Variants in DCUN1D3 observed in about 807,000 individuals in gnomAD.
The protein encoded by DCUN1D3 is DCN1-like protein 3.
Under a neutral mutation model 24.8 loss-of-function variants are expected in DCUN1D3, and 6 were observed. The ratio of observed to expected loss-of-function variants is 0.24; its 90% CI spans 0.13 to 0.48. The LOEUF (loss-of-function observed/expected upper bound fraction) is 0.48, where lower values mean the gene tolerates loss of function less well. Ranked by LOEUF, DCUN1D3 falls within the 20% of genes least tolerant of loss-of-function variation. The pLI is 0.99. For missense variants in DCUN1D3, 258 were observed against 379.4 expected, an observed-to-expected ratio of 0.68 and a Z score of 2.66; for synonymous variants, 120 against 144.9, an observed-to-expected ratio of 0.83 and a Z score of 1.24.
At chr16:20,864,815 A>C (rs2081753036) in intron 1 of DCUN1D3, among the ~76,000 whole-genome samples, 2 of 152,122 alleles carry the variant, frequency 1.3e-5, no homozygotes, top group African/African-American at 4.8e-5. Context: ...CAGCCATAAA[A>C]AAGAACGAGA....
intron 1 of DCUN1D3, among the ~76,000 whole-genome samples, chr16:20,864,019 T>G (rs1243752072): frequency 2.6e-5 from 4 of 151,980 alleles, no homozygotes; most frequent in South Asian, 4.1e-4. Flanking sequence ...TATAAAAACC[T>G]TAGAAGGCAA....
chr16:20,855,483 A>G lies in DCUN1D3; in HGVS notation c.*4403T>C, dbSNP rs2152515309. 1 of 152,370 alleles carries G rather than the reference A, an allele frequency of 6.6e-6. No individual in the cohort carries two copies. The highest frequency in any genetic ancestry group is 2.4e-5 in the African/African-American group (1 of 41,570). 9.4% of individuals were successfully genotyped at this position (152,370 alleles called of 1,614,324 possible). A position where few individuals can be genotyped will look rare whatever the true frequency, so the allele number is the denominator to read the frequency against. ...GCAGGGAGGTTGGATGGGTGGCGGA[A>G]GTAGGTATTTATGAGATAGGCTGGG... is the stretch of plus-strand genomic sequence containing the variant. On this transcript the variant is annotated 3_prime_UTR_variant, in exon 3 of 3. Coordinates refer to ENST00000324344, the MANE Select transcript of DCUN1D3 (RefSeq NM_173475.4).
chr16:20,898,668 C>T (rs2081932611), intron 1 of DCUN1D3, among the ~76,000 whole-genome samples: 1 of 152,218 alleles, frequency 6.6e-6, no homozygotes, highest in South Asian at 2.1e-4. Flanking sequence ...TTCCTAGCAT[C>T]AGATCTTCCT....
In DCUN1D3 at chr16:20,860,030, G is replaced by A; in HGVS notation, c.771C>T (p.Leu257=). Residue 257 remains leucine (L), a synonymous_variant, in exon 3 of 3, where the codon CTC becomes CTT. Coordinates refer to ENST00000324344, the MANE Select transcript of DCUN1D3 (RefSeq NM_173475.4). The surrounding 1 kb of genome is among the most constrained non-coding windows in gnomAD (Gnocchi z 4.3). ...AGGCCTCATCTTCACTGTAGTTGCT[G>A]AGGTCAGGGCCAATCACCTGAGTGA... ...LNFTQVIGPD[L]SNYSEDEAWP... is the part of the protein sequence containing the mutation. The A allele has an allele frequency of 6.2e-7, 1 of 1,614,256 alleles. No individual in the cohort carries two copies. The highest frequency in any genetic ancestry group is 8.5e-7 in the Non-Finnish European group (1 of 1,180,042).
chr16:20,889,084 C>T (rs35158836), intron 1 of DCUN1D3, among the ~76,000 whole-genome samples: 27,228 of 152,024 alleles, frequency 0.18, 2,656 homozygotes, highest in African/African-American at 0.26. Context: ...AAAAATTAGC[C>T]GGGCGTGGTG....
intron 1 of DCUN1D3, among the ~76,000 whole-genome samples, chr16:20,878,484 G>A (rs953517928): frequency 6.6e-6 from 1 of 152,164 alleles, no homozygotes; most frequent in Non-Finnish European, 1.5e-5. Context: ...GCCATGCACT[G>A]CACTCTAGGA....
At chr16:20,893,563 G>T (rs1169711399) in intron 1 of DCUN1D3, among the ~76,000 whole-genome samples, 1 of 152,124 alleles carries the variant, frequency 6.6e-6, no homozygotes, top group African/African-American at 2.4e-5. Context: ...TATTCAACTA[G>T]AATCTAATAG....
At chr16:20,888,582 G>A (rs1177016031) in intron 1 of DCUN1D3, among the ~76,000 whole-genome samples, 1 of 152,154 alleles carries the variant, frequency 6.6e-6, no homozygotes, top group East Asian at 1.9e-4. Context: ...AGTCTCCCAA[G>A]TAGCTGGGAC....
intron 1 of DCUN1D3, among the ~76,000 whole-genome samples, chr16:20,897,531 C>T (rs1013032663): frequency 2.0e-5 from 3 of 152,158 alleles, no homozygotes; most frequent in Non-Finnish European, 2.9e-5. Context: ...ACTATTGCAA[C>T]ATAAACTGCC....
At chr16:20,864,761 T>C (rs770368721) in intron 1 of DCUN1D3, among the ~76,000 whole-genome samples, 6 of 152,024 alleles carry the variant, frequency 3.9e-5, no homozygotes, top group Non-Finnish European at 8.8e-5. Context: ...CAGTGACAGA[T>C]AAGATAAAGA....
intron 1 of DCUN1D3, among the ~76,000 whole-genome samples, chr16:20,875,108 A>C (rs1249997109): frequency 6.6e-6 from 1 of 152,080 alleles, no homozygotes; most frequent in Non-Finnish European, 1.5e-5. Context: ...CAACATAAAA[A>C]ATTTATAAAA....
In DCUN1D3 at chr16:20,855,412, G is replaced by A. The variant is rs773866123; in HGVS notation, c.*4474C>T. ...AGGGGGATGAAAAACCCCAGCAGCT[G>A]CTGAATGGCTTCCTTTGGCAATATC... On this transcript the variant is annotated 3_prime_UTR_variant, in exon 3 of 3. Transcript: ENST00000324344. The A allele has an allele frequency of 6.6e-6, 1 of 152,320 alleles. No homozygotes were observed. Among genetic ancestry groups the A allele is most frequent in the Non-Finnish European group, 1.5e-5 (1 of 68,090 alleles). The allele number at this position is 152,320 out of a possible 1,614,324, so 9.4% of individuals were successfully genotyped here. A position where few individuals can be genotyped will look rare whatever the true frequency, so the allele number is the denominator to read the frequency against.
intron 2 of DCUN1D3, among the ~76,000 whole-genome samples, chr16:20,861,572 AG>A (rs1232561410): frequency 6.6e-6 from 1 of 152,186 alleles, no homozygotes; most frequent in African/African-American, 2.4e-5. Context: ...AAGGAGTAAA[AG>A]AAAAGAAAGG....
intron 1 of DCUN1D3, among the ~76,000 whole-genome samples, chr16:20,880,067 C>T (rs2081835114): frequency 6.6e-6 from 1 of 152,096 alleles, no homozygotes; most frequent in Non-Finnish European, 1.5e-5. Flanking sequence ...GTCCTTAAAC[C>T]GAATTTTTTA....
In DCUN1D3 at chr16:20,855,658, C is replaced by G. The variant is rs751098621; in HGVS notation, c.*4228G>C. On this transcript the variant is annotated 3_prime_UTR_variant, in exon 3 of 3. Coordinates refer to ENST00000324344, the MANE Select transcript of DCUN1D3 (RefSeq NM_173475.4). ...TCATCTTTCGAAAAGGGGGAAAACC[C>G]CTGCCGATCCTCACCAACATGCAGT... 1 of 152,172 alleles carries G rather than the reference C, an allele frequency of 6.6e-6. No homozygotes were observed. The highest frequency in any genetic ancestry group is 1.5e-5 in the Non-Finnish European group (1 of 68,042). The allele number at this position is 152,172 out of a possible 1,614,324, so 9.4% of individuals were successfully genotyped here.
chr16:20,865,273 A>G (rs2081756085), intron 1 of DCUN1D3, among the ~76,000 whole-genome samples: 1 of 152,186 alleles, frequency 6.6e-6, no homozygotes, highest in African/African-American at 2.4e-5. Context: ...ACCCAAATAC[A>G]ATCTTTAAAT....
intron 1 of DCUN1D3, among the ~76,000 whole-genome samples, chr16:20,868,190 C>G (rs968275914): frequency 2.0e-5 from 3 of 152,244 alleles, no homozygotes; most frequent in African/African-American, 7.2e-5. Flanking sequence ...AAGTGGACAG[C>G]CTCAGCACAA....
intron 1 of DCUN1D3, among the ~76,000 whole-genome samples, chr16:20,883,824 T>C (rs535736160): frequency 2.9e-4 from 44 of 152,342 alleles, no homozygotes; most frequent in Non-Finnish European, 5.3e-4. Flanking sequence ...AGCTGTGAAC[T>C]TGGAAAAGCA....
At chr16:20,891,207 T>TA (rs1237409104) in intron 1 of DCUN1D3, among the ~76,000 whole-genome samples, 1 of 152,006 alleles carries the variant, frequency 6.6e-6, no homozygotes, top group Non-Finnish European at 1.5e-5. Flanking sequence ...TTGGCCAGGC[T>TA]AGTCTTGAAC....
Sources: gnomAD v4.1 joint callset for allele counts (sites outside exome capture counted in the v4.1 genomes callset) on GRCh38, gnomAD v4.1.1 for gene constraint, Gnocchi (gnomAD v3.1) non-coding constraint, MANE v1.5 for transcripts, NCBI Gene and HGNC (gene_info 2026-07-23, HGNC 2026-07-21) for gene names.